Variants in PTPRA observed in about 807,000 individuals in gnomAD.
PTPRA encodes protein tyrosine phosphatase receptor type A.
PTPRA carries 25 observed loss-of-function variants against 104.8 expected under a neutral mutation model. The observed-to-expected ratio is 0.24, with a 90% confidence interval of 0.17 to 0.33. The LOEUF (loss-of-function observed/expected upper bound fraction) is 0.33. Among genes scored for constraint, PTPRA ranks in the 10% least tolerant of loss-of-function variants. The probability of loss-of-function intolerance (pLI) is 1.00; values close to 1 mark genes in which losing one functional copy is unlikely to be tolerated. For synonymous variants in PTPRA, 323 were observed against 368.9 expected (o/e 0.88, Z 1.43); for missense variants, 765 against 1,015.3 (o/e 0.75, Z 3.35).
intron 2 of PTPRA, among the ~76,000 whole-genome samples, chr20:2,934,452 C>G (rs1264225974): frequency 6.6e-6 from 1 of 152,142 alleles, no homozygotes; most frequent in Non-Finnish European, 1.5e-5. Context: ...GTTTATAAAT[C>G]TGTATCTGTA....
chr20:2,916,954 T>TA (rs2059923149), intron 1 of PTPRA, among the ~76,000 whole-genome samples: 1 of 131,070 alleles, frequency 7.6e-6, no homozygotes, highest in African/African-American at 3.1e-5. Flanking sequence ...TCAGTTTTTT[T>TA]ATTTCTTTTT....
intron 20 of PTPRA, among the ~76,000 whole-genome samples, chr20:3,032,444 T>C (rs1173505856): frequency 6.6e-6 from 1 of 152,240 alleles, no homozygotes; most frequent in African/African-American, 2.4e-5. Flanking sequence ...CCTATTTCTC[T>C]GCACCCCTTC....
intron 2 of PTPRA, among the ~76,000 whole-genome samples, chr20:2,945,119 C>T (rs886700027): frequency 6.6e-6 from 1 of 152,098 alleles, no homozygotes; most frequent in Non-Finnish European, 1.5e-5. Flanking sequence ...CTCACTAATT[C>T]TCTCTTCAGG....
At chr20:2,909,972 ATAATC>A (rs2059589138) in intron 1 of PTPRA, among the ~76,000 whole-genome samples, 1 of 115,490 alleles carries the variant, frequency 8.7e-6, no homozygotes, top group Admixed American at 1.1e-4. Context: ...TGATATATAT[ATAATC>A]TATCATATAT....
chr20:3,023,370 C>A (rs917188457), intron 16 of PTPRA, among the ~76,000 whole-genome samples: 1 of 152,098 alleles, frequency 6.6e-6, no homozygotes, highest in African/African-American at 2.4e-5. Flanking sequence ...AGGAAGGCTT[C>A]TTTGGAGTTA....
chr20:2,865,882 G>A, the PTPRA span: 1 of 469,318 alleles, frequency 2.1e-6, no homozygotes, highest in South Asian at 2.3e-5. This position sits in a 1 kb window ranked among gnomAD's most constrained non-coding sequence, Gnocchi z 5.2. Flanking sequence ...TATAGGGCAG[G>A]TTTGAGAATG....
At chr20:2,943,636 A>G (rs541074049) in intron 2 of PTPRA, among the ~76,000 whole-genome samples, 2 of 152,190 alleles carry the variant, frequency 1.3e-5, no homozygotes, top group Non-Finnish European at 2.9e-5. Flanking sequence ...TCTACTCTTT[A>G]TCAACTTGGC....
At chr20:2,870,587 G>T (rs114029427), upstream of PTPRA, among the ~76,000 whole-genome samples, 1,948 of 152,352 alleles carry the variant, frequency 0.013, 42 homozygotes, top group African/African-American at 0.044. Flanking sequence ...ATTCCCTGCT[G>T]TGTCCAGCAC....
At chr20:2,988,194 C>A in intron 8 of PTPRA, 89 bp downstream of exon 8, 1 of 1,510,354 alleles carries the variant, frequency 6.6e-7, no homozygotes, top group South Asian at 1.2e-5. Flanking sequence ...AAGAATAAGA[C>A]AATAAAAAGA....
At chr20:2,894,118 A>G (rs2058901245) in intron 1 of PTPRA, among the ~76,000 whole-genome samples, 1 of 152,232 alleles carries the variant, frequency 6.6e-6, no homozygotes. Flanking sequence ...TAATAGTTAT[A>G]TAATCAAACA....
intron 5 of PTPRA, among the ~76,000 whole-genome samples, chr20:2,967,603 G>C (rs143736490): frequency 0.024 from 3,636 of 152,256 alleles, 80 homozygotes; most frequent in Non-Finnish European, 0.037. Flanking sequence ...GCTAACACCT[G>C]TAATCCCAGC....
Position 2,923,235 on chromosome 20 carries a change from T to G in PTPRA, c.-100T>G, listed in dbSNP as rs2060161894. On this transcript the variant is annotated 5_prime_UTR_variant, in exon 2 of 24. Transcript: ENST00000399903. ...ACACAACTAAAAAAAAACAAAGGTA[T>G]TTATGGAATTCCACTGAGTGGTAAT... is the stretch of plus-strand genomic sequence containing the variant. 1 of 1,266,466 alleles carries G rather than the reference T, an allele frequency of 7.9e-7. No individual in the cohort carries two copies. The highest frequency in any genetic ancestry group is 1.0e-6 in the Non-Finnish European group (1 of 977,340). 78.5% of individuals were successfully genotyped at this position (1,266,466 alleles called of 1,614,324 possible).
intron 1 of PTPRA, among the ~76,000 whole-genome samples, chr20:2,895,728 C>T (rs2058973366): frequency 6.6e-6 from 1 of 152,066 alleles, no homozygotes; most frequent in Non-Finnish European, 1.5e-5. Context: ...TGGGGTTTCC[C>T]CATCTTGGCC....
chr20:2,896,102 C>T (rs112097130), intron 1 of PTPRA, among the ~76,000 whole-genome samples: 6,804 of 152,038 alleles, frequency 0.045, 506 homozygotes, highest in African/African-American at 0.15. Context: ...AGGCTGGGCA[C>T]GGTGGCTCAC....
In PTPRA at chr20:2,942,334, ATTTTC is replaced by A. The variant is rs569183237; in HGVS notation, c.-49-5643_-49-5639del. On this transcript the variant is annotated intron_variant, in intron 2 of 23. Coordinates refer to ENST00000399903, the MANE Select transcript of PTPRA (RefSeq NM_001385305.1). Reference sequence around the variant, plus strand: ...ATTTTAAGATTTTGCAGTTAAAGTTATTTTCTTTTTTGTGTGCTTTGTCAGATTTT... The same window carrying A: ...ATTTTAAGATTTTGCAGTTAAAGTTATTTTTTGTGTGCTTTGTCAGATTTT... 6.6e-5 allele frequency among the ~76,000 whole-genome samples: 10 copies of A among 151,884 alleles called. No homozygotes were observed. The South Asian group carries it at 1.9e-3, about 28-fold the overall frequency.
chr20:2,895,621 A>G (rs944523206), intron 1 of PTPRA, among the ~76,000 whole-genome samples: 1 of 152,144 alleles, frequency 6.6e-6, no homozygotes, highest in Non-Finnish European at 1.5e-5. Context: ...CGTTCAAGCA[A>G]TTCTCGTGCC....
intron 3 of PTPRA, among the ~76,000 whole-genome samples, chr20:2,951,503 T>C (rs914277116): frequency 6.6e-5 from 10 of 152,194 alleles, no homozygotes; most frequent in Non-Finnish European, 7.3e-5. Flanking sequence ...CATAGGACTT[T>C]GACACCTCTC....
intron 1 of PTPRA, among the ~76,000 whole-genome samples, chr20:2,906,668 T>C (rs112668911): frequency 6.6e-6 from 1 of 152,176 alleles, no homozygotes; most frequent in Non-Finnish European, 1.5e-5. Flanking sequence ...CAATAAATAA[T>C]CATCAAAATT....
chr20:3,031,878 A>T (rs138708045), intron 20 of PTPRA, among the ~76,000 whole-genome samples: 1 of 152,058 alleles, frequency 6.6e-6, no homozygotes, highest in African/African-American at 2.4e-5. Context: ...TCTTACTTTC[A>T]TAGCAAACTC....
Sources: gnomAD v4.1 joint callset for allele counts (sites outside exome capture counted in the v4.1 genomes callset) on GRCh38, gnomAD v4.1.1 for gene constraint, Gnocchi (gnomAD v3.1) non-coding constraint, MANE v1.5 for transcripts, NCBI Gene and HGNC (gene_info 2026-07-23, HGNC 2026-07-21) for gene names.